FLT3: variants seen among roughly 807,000 people sequenced by gnomAD.
FLT3 encodes fms related receptor tyrosine kinase 3.
In FLT3, 46 loss-of-function variants were observed where a neutral mutation model predicts 126.6. That is an observed-to-expected ratio of 0.36 (90% CI 0.29 to 0.46). The LOEUF is 0.46. Among genes scored for constraint, FLT3 ranks in the 20% least tolerant of loss-of-function variants. The probability of loss-of-function intolerance (pLI) is 1.00; values close to 1 mark genes in which losing one functional copy is unlikely to be tolerated. For synonymous variants in FLT3, 404 were observed against 434.4 expected (o/e 0.93, Z 0.87); for missense variants, 1,069 against 1,190.3 (o/e 0.90, Z 1.50).
chr13:28,020,646 C>T (rs188136514), intron 19 of FLT3, among the ~76,000 whole-genome samples: 28 of 152,286 alleles, frequency 1.8e-4, no homozygotes, highest in Middle Eastern at 3.4e-3. Context: ...CACCCCCGGC[C>T]TCAGTGTCAT....
At chr13:28,030,018 C>A (rs1873179017) in intron 15 of FLT3, among the ~76,000 whole-genome samples, 1 of 152,216 alleles carries the variant, frequency 6.6e-6, no homozygotes, top group Non-Finnish European at 1.5e-5. Flanking sequence ...AGGCTCCAGG[C>A]ACCACCCCTC....
chr13:28,054,985 C>G (rs1412155480), intron 4 of FLT3, among the ~76,000 whole-genome samples: 2 of 152,072 alleles, frequency 1.3e-5, no homozygotes, highest in East Asian at 3.9e-4. Context: ...GATTGTTTAT[C>G]TTATTGACTT....
intron 23 of FLT3, among the ~76,000 whole-genome samples, chr13:28,011,485 C>T (rs1456160256): frequency 1.3e-5 from 2 of 150,048 alleles, no homozygotes; most frequent in Admixed American, 1.3e-4. Context: ...GGGCTGCCTG[C>T]GTGGCTGTGT....
At chr13:28,055,597 C>T (rs1431070576) in intron 4 of FLT3, among the ~76,000 whole-genome samples, 3 of 152,204 alleles carry the variant, frequency 2.0e-5, no homozygotes, top group Non-Finnish European at 4.4e-5. Flanking sequence ...TGCCACATCT[C>T]TCCCACCTAT....
At chr13:28,008,249 A>G in intron 23 of FLT3, among the ~76,000 whole-genome samples, 1 of 125,360 alleles carries the variant, frequency 8.0e-6, no homozygotes, top group African/African-American at 2.9e-5. Flanking sequence ...CAGGAATTTG[A>G]GGCTGCAATG....
intron 8 of FLT3, 63 bp downstream of exon 8, chr13:28,049,321 T>G: frequency 7.0e-7 from 1 of 1,429,720 alleles, no homozygotes; most frequent in Admixed American, 2.0e-5. Context: ...TACCACATAC[T>G]TCACATTCCA....
intron 1 of FLT3, among the ~76,000 whole-genome samples, chr13:28,074,911 G>C (rs928417328): frequency 3.3e-5 from 5 of 152,180 alleles, no homozygotes; most frequent in Admixed American, 6.5e-5. Context: ...TGGGATTACA[G>C]GTGTGAGCCA....
At position 28,099,161 on chromosome 13, in the gene FLT3, C is replaced by T. The variant is rs576360227; in HGVS notation, c.43+1307G>A. On this transcript the variant is annotated intron_variant, in intron 1 of 23. Coordinates refer to ENST00000241453, the MANE Select transcript of FLT3 (RefSeq NM_004119.3). Reference sequence around the variant, plus strand: ...ATTCTTTCCTAAATAGAAAAGAATTCCATGCAGCTTAAATATCGTTGCAAG... The same window carrying T: ...ATTCTTTCCTAAATAGAAAAGAATTTCATGCAGCTTAAATATCGTTGCAAG... Among the ~76,000 whole-genome samples, 227 of 152,214 alleles carry T rather than the reference C, an allele frequency of 1.5e-3. 4 individuals are homozygous for T. The highest frequency in any genetic ancestry group is 3.4e-3 in the Middle Eastern group (1 of 294).
At chr13:28,084,870 G>A (rs945664984) in intron 1 of FLT3, among the ~76,000 whole-genome samples, 5 of 151,708 alleles carry the variant, frequency 3.3e-5, no homozygotes, top group African/African-American at 1.2e-4. Flanking sequence ...AGCTACTCGG[G>A]AGGCTGAGGC....
At chr13:28,036,266 A>T (rs1873831553) in intron 10 of FLT3, among the ~76,000 whole-genome samples, 1 of 152,236 alleles carries the variant, frequency 6.6e-6, no homozygotes, top group Non-Finnish European at 1.5e-5. Flanking sequence ...CCTACAGTAC[A>T]GGCTACCCAT....
In FLT3 at chr13:28,035,539, T is replaced by C; in HGVS notation, c.1553A>G (p.Asn518Ser). The change falls in exon 12 of 24, where the codon AAT becomes AGT. Residue 518 changes from asparagine (N) to serine (S), a missense_variant. By Grantham distance (46) the Asn-to-Ser change is conservative. Transcript: ENST00000241453. ...CGTCTCACAAGATGTGCCAAGGGAA[T>C]TGTATGCACAGCACTTGACCAGGAA... ...KGFLVKCCAYNSLGTSCETIL... is the reference protein window; with the variant it reads ...KGFLVKCCAYSSLGTSCETIL... 6.2e-7 allele frequency: 1 copy of C among 1,614,208 alleles called. No individual in the cohort carries two copies. Among genetic ancestry groups the C allele is most frequent in the Non-Finnish European group, 8.5e-7 (1 of 1,180,028 alleles).
At chr13:28,063,205 G>A (rs1392423691) in intron 2 of FLT3, among the ~76,000 whole-genome samples, 2 of 152,110 alleles carry the variant, frequency 1.3e-5, no homozygotes, top group South Asian at 2.1e-4. Flanking sequence ...GAGGCCAGGC[G>A]CTATGGCTCA....
intron 9 of FLT3, among the ~76,000 whole-genome samples, chr13:28,046,044 G>C (rs142141931): frequency 3.4e-3 from 522 of 152,118 alleles, no homozygotes; most frequent in Non-Finnish European, 5.9e-3. Context: ...CATCCAGTGG[G>C]AGGAGACCCG....
intron 16 of FLT3, 52 bp downstream of exon 16, chr13:28,028,126 G>T: frequency 2.4e-6 from 2 of 850,162 alleles, no homozygotes; most frequent in Non-Finnish European, 2.1e-6. Context: ...CATCCTCTTT[G>T]TCATCAAGCT....
rs565828652 is a variant in FLT3 at position 28,086,772 on chromosome 13, G to A, written c.43+13696C>T. On this transcript the variant is annotated intron_variant, in intron 1 of 23. Transcript: ENST00000241453. The stretch of plus-strand genomic sequence containing the variant: ...AGCAATACTTCTGCCTCAGCCTCCC[G>A]AGTAGCTGGAATTACAAACTTGCAC... 4.6e-5 allele frequency among the ~76,000 whole-genome samples: 7 copies of A among 151,728 alleles called. No individual in the cohort carries two copies. The South Asian group carries it at 1.3e-3, about 27-fold the overall frequency.
At chr13:28,006,306 T>TTGTGTGTG (rs4002773) in intron 23 of FLT3, among the ~76,000 whole-genome samples, 166 of 147,090 alleles carry the variant, frequency 1.1e-3, no homozygotes, top group African/African-American at 3.6e-3. Flanking sequence ...TTCTAGAAAA[T>TTGTGTGTG]TGTGTGTGTG....
intron 1 of FLT3, among the ~76,000 whole-genome samples, chr13:28,078,229 C>T (rs1216047685): frequency 6.6e-6 from 1 of 152,228 alleles, no homozygotes; most frequent in Admixed American, 6.5e-5. Flanking sequence ...CCACATTTCC[C>T]TTCCACACTA....
At chr13:28,008,051 A>G (rs950585309) in intron 23 of FLT3, among the ~76,000 whole-genome samples, 2 of 152,004 alleles carry the variant, frequency 1.3e-5, no homozygotes, top group East Asian at 3.9e-4. Flanking sequence ...TCTTAAATTG[A>G]AAGGTTAATC....
In FLT3 at chr13:28,091,207, C is replaced by CTTTTTTTTTTTTTTTT. The variant is rs572410744; in HGVS notation, c.43+9245_43+9260dup. 3.0e-4 allele frequency among the ~76,000 whole-genome samples: 11 copies of CTTTTTTTTTTTTTTTT among 36,580 alleles called. 2 individuals are homozygous for CTTTTTTTTTTTTTTTT. The highest frequency in any genetic ancestry group is 1.2e-3 in the African/African-American group (11 of 8,816). 24.0% of individuals were successfully genotyped at this position (36,580 alleles called of 152,430 possible). Reference sequence around the variant, plus strand: ...ATTTATCCTCTTTGGGCCCCATTTTCTTTTTTTTTTTTTTTTTTTTTTTTT... The same window carrying CTTTTTTTTTTTTTTTT: ...ATTTATCCTCTTTGGGCCCCATTTTCTTTTTTTTTTTTTTTTTTTTTTTTTTTTTTTTTTTTTTTTT... On this transcript the variant is annotated intron_variant, in intron 1 of 23. Coordinates refer to ENST00000241453, the MANE Select transcript of FLT3 (RefSeq NM_004119.3).
Sources: allele counts gnomAD v4.1 joint callset (sites outside exome capture counted in the v4.1 genomes callset), GRCh38; gene constraint gnomAD v4.1.1; transcripts MANE v1.5; gene names NCBI Gene and HGNC (gene_info 2026-07-23, HGNC 2026-07-21).